Variants in TNFRSF11A observed in about 807,000 individuals in gnomAD.
TNFRSF11A encodes the protein TNF receptor superfamily member 11a.
In TNFRSF11A, 32 loss-of-function variants were observed where a neutral mutation model predicts 55.7. The ratio of observed to expected loss-of-function variants is 0.57; its 90% CI spans 0.43 to 0.77. TNFRSF11A has a LOEUF of 0.77. Ranked by LOEUF, TNFRSF11A falls within the 30% of genes least tolerant of loss-of-function variation. TNFRSF11A has a pLI of 0.00. For synonymous variants in TNFRSF11A, 311 were observed against 331.0 expected (o/e 0.94, Z 0.65); for missense variants, 753 against 809.8 (o/e 0.93, Z 0.85).
rs570445918 is a variant in TNFRSF11A at position 62,362,837 on chromosome 18, T to C, written c.730+1044T>C. On this transcript the variant is annotated intron_variant, in intron 7 of 9. Coordinates refer to ENST00000586569, the MANE Select transcript of TNFRSF11A (RefSeq NM_003839.4). ...CCATTTTCAGTTGCTCTCTTATTTATTTATTTATTTACTTATTTATTTTTT... is the reference window on the plus strand; with the variant it reads ...CCATTTTCAGTTGCTCTCTTATTTACTTATTTATTTACTTATTTATTTTTT... Among the ~76,000 whole-genome samples, 12 of 152,216 alleles carry C rather than the reference T, an allele frequency of 7.9e-5. No homozygotes were observed. The South Asian group carries it at 2.5e-3, about 32-fold the overall frequency.
At chr18:62,347,806 A>G (rs1568478591) in intron 1 of TNFRSF11A, among the ~76,000 whole-genome samples, 1 of 151,942 alleles carries the variant, frequency 6.6e-6, no homozygotes, top group Non-Finnish European at 1.5e-5. Flanking sequence ...TGGGAGGCTG[A>G]GGCAGGAGAA....
chr18:62,347,922 C>CAA (rs1288520872), intron 1 of TNFRSF11A, among the ~76,000 whole-genome samples: 1 of 143,182 alleles, frequency 7.0e-6, no homozygotes, highest in Non-Finnish European at 1.5e-5. Context: ...AACAAAAAAA[C>CAA]AAAAAAAAAC....
chr18:62,381,110 C>T (rs931460309), intron 9 of TNFRSF11A, among the ~76,000 whole-genome samples: 2 of 152,148 alleles, frequency 1.3e-5, no homozygotes, highest in African/African-American at 2.4e-5. Flanking sequence ...AGTTCCCCAA[C>T]AATAATATTC....
chr18:62,388,847 C>A lies in TNFRSF11A; in HGVS notation c.*3813C>A, dbSNP rs1028939529. On this transcript the variant is annotated 3_prime_UTR_variant, in exon 10 of 10. Coordinates refer to ENST00000586569, the MANE Select transcript of TNFRSF11A (RefSeq NM_003839.4). ...AGATACCTTGGGGTAGAGAAACCTG[C>A]ATATAAACAGATAAAAGATCGAGTG... 6.6e-6 allele frequency: 1 copy of A among 152,200 alleles called. No individual in the cohort carries two copies. The highest frequency in any genetic ancestry group is 1.5e-5 in the Non-Finnish European group (1 of 68,032). The allele number at this position is 152,200 out of a possible 1,614,324, so 9.4% of individuals were successfully genotyped here. A position where few individuals can be genotyped will look rare whatever the true frequency, so the allele number is the denominator to read the frequency against.
chr18:62,375,178 A>G (rs894029531), intron 9 of TNFRSF11A, among the ~76,000 whole-genome samples: 5 of 151,832 alleles, frequency 3.3e-5, no homozygotes, highest in African/African-American at 7.3e-5. Flanking sequence ...AGGCCTCCCA[A>G]GGTGTATAGT....
chr18:62,341,166 G>T (rs143063614), intron 1 of TNFRSF11A, among the ~76,000 whole-genome samples: 1 of 152,204 alleles, frequency 6.6e-6, no homozygotes, highest in Non-Finnish European at 1.5e-5. Context: ...AACTGTGTCT[G>T]CCTTCACCCA....
intron 7 of TNFRSF11A, among the ~76,000 whole-genome samples, chr18:62,365,882 A>G (rs937130232): frequency 2.6e-5 from 4 of 152,092 alleles, no homozygotes; most frequent in Non-Finnish European, 5.9e-5. Context: ...CAGTGGCACA[A>G]TCTCAGCTCA....
chr18:62,370,830 CT>C (rs1220830066), intron 9 of TNFRSF11A, among the ~76,000 whole-genome samples: 1 of 86,452 alleles, frequency 1.2e-5, no homozygotes, highest in Admixed American at 1.6e-4. Flanking sequence ...CTTTTCTTTT[CT>C]TTTCTTTTTT....
chr18:62,357,774 G>A (rs970545347), intron 4 of TNFRSF11A: 18 of 222,748 alleles, frequency 8.1e-5, no homozygotes, highest in Middle Eastern at 3.4e-3. Context: ...GGTCAGGACA[G>A]TGACCTTCAA....
At chr18:62,384,179 C>G (rs1911490595) in intron 9 of TNFRSF11A, among the ~76,000 whole-genome samples, 1 of 152,184 alleles carries the variant, frequency 6.6e-6, no homozygotes, top group Admixed American at 6.5e-5. Flanking sequence ...AGTCCCACCT[C>G]ACAAGCAAAT....
chr18:62,376,241 G>A (rs1236429890), intron 9 of TNFRSF11A, among the ~76,000 whole-genome samples: 1 of 151,446 alleles, frequency 6.6e-6, no homozygotes, highest in Non-Finnish European at 1.5e-5. Context: ...TTTCTCTTGT[G>A]GGGAGAGCCT....
intron 7 of TNFRSF11A, among the ~76,000 whole-genome samples, chr18:62,362,490 CA>C (rs57219485): frequency 0.36 from 27,775 of 76,782 alleles, 2,188 homozygotes; most frequent in Middle Eastern, 0.51. Flanking sequence ...AACTTCATCT[CA>C]AAAAAAAAAA....
In TNFRSF11A at chr18:62,367,788, CTTTTTTTTTTTT is replaced by C. The variant is rs67721371; in HGVS notation, c.784-901_784-890del. 6.2e-3 allele frequency among the ~76,000 whole-genome samples: 487 copies of C among 78,700 alleles called. 4 individuals carry two copies. Among genetic ancestry groups the C allele is most frequent in the African/African-American group, 0.023 (465 of 19,824 alleles). The allele number at this position is 78,700 out of a possible 152,430, so 51.6% of individuals were successfully genotyped here. ...GATCTTTCTTTCTTTTCTTCTTCTT[CTTTTTTTTTTTT>C]TTTTTTTTTTTGAGACAGAATCTCA... On this transcript the variant is annotated intron_variant, in intron 8 of 9. Transcript: ENST00000586569.
chr18:62,349,642 T>C (rs9960450), intron 2 of TNFRSF11A, among the ~76,000 whole-genome samples, 170 bp from the exon 3 acceptor site: 11,409 of 152,214 alleles, frequency 0.075, 572 homozygotes, highest in African/African-American at 0.13. Flanking sequence ...AGTCACTGCA[T>C]TGTGGCCTCT....
intron 7 of TNFRSF11A, among the ~76,000 whole-genome samples, chr18:62,363,816 A>G (rs571519836): frequency 2.0e-5 from 3 of 152,340 alleles, no homozygotes; most frequent in East Asian, 1.9e-4. Context: ...TGTGAGATAA[A>G]CAGACTTCCT....
In TNFRSF11A at chr18:62,383,058, G is replaced by C. The variant is rs115978425; in HGVS notation, c.1568-1693G>C. Among the ~76,000 whole-genome samples the C allele has an allele frequency of 4.8e-3, 726 of 152,254 alleles. 5 individuals are homozygous for C. The highest frequency in any genetic ancestry group is 0.017 in the African/African-American group (706 of 41,534). ...TGCATGCCTGGCAATGTGTGGAGAG[G>C]GGGTGGAGAAGGTGCTGGGTAGGTG... On this transcript the variant is annotated intron_variant, in intron 9 of 9. Transcript: ENST00000586569. The surrounding 1 kb of genome is among the most constrained non-coding windows in gnomAD (Gnocchi z 4.2).
rs1911768714 is a variant in TNFRSF11A at position 62,386,829 on chromosome 18, A to G, written c.*1795A>G. 1 of 152,250 alleles carries G rather than the reference A, an allele frequency of 6.6e-6. No individual in the cohort carries two copies. The highest frequency in any genetic ancestry group is 2.1e-4 in the South Asian group (1 of 4,830). 9.4% of individuals were successfully genotyped at this position (152,250 alleles called of 1,614,324 possible). A position where few individuals can be genotyped will look rare whatever the true frequency, so the allele number is the denominator to read the frequency against. Reference sequence around the variant, plus strand: ...TAGCCAACATAAAGAACTGCAGGAAATAACTGCACAGCCAGGAGGATCCGT... The same window carrying G: ...TAGCCAACATAAAGAACTGCAGGAAGTAACTGCACAGCCAGGAGGATCCGT... On this transcript the variant is annotated 3_prime_UTR_variant, in exon 10 of 10. Transcript: ENST00000586569.
intron 1 of TNFRSF11A, among the ~76,000 whole-genome samples, chr18:62,326,247 T>C (rs1338355007): frequency 6.6e-6 from 1 of 152,110 alleles, no homozygotes; most frequent in Non-Finnish European, 1.5e-5. Context: ...CTGTTAACAC[T>C]AGGTTAGGCT....
At chr18:62,357,720 G>A (rs1443875349) in intron 4 of TNFRSF11A, among the ~76,000 whole-genome samples, 1 of 152,158 alleles carries the variant, frequency 6.6e-6, no homozygotes, top group Non-Finnish European at 1.5e-5. Flanking sequence ...AAACTTTGTT[G>A]ACACTCTGAT....
Sources: gnomAD v4.1 joint callset for allele counts (sites outside exome capture counted in the v4.1 genomes callset) on GRCh38, gnomAD v4.1.1 for gene constraint, Gnocchi (gnomAD v3.1) non-coding constraint, MANE v1.5 for transcripts, NCBI Gene and HGNC (gene_info 2026-07-23, HGNC 2026-07-21) for gene names.